The following CAPZB variants were observed in gnomAD, a reference collection of about 807,000 sequenced individuals.
The protein encoded by CAPZB is capping actin protein of muscle Z-line subunit beta.
A neutral mutation model predicts 38.1 loss-of-function variants in CAPZB; 2 were observed. The observed-to-expected ratio is 0.05, with a 90% CI of 0.02 to 0.17. The LOEUF is 0.17. CAPZB is among the 10% of genes least tolerant of loss of function. CAPZB has a pLI of 1.00. For synonymous variants in CAPZB, 107 were observed against 127.4 expected (o/e 0.84, Z 1.08); for missense variants, 161 against 334.2 (o/e 0.48, Z 4.04).
intron 2 of CAPZB, among the ~76,000 whole-genome samples, chr1:19,392,601 C>T (rs1025327857): frequency 4.0e-5 from 6 of 149,386 alleles, no homozygotes; most frequent in Non-Finnish European, 7.4e-5. Context: ...GCCTGGGCAA[C>T]AGGGCAAGAC....
chr1:19,365,279 T>C (rs907219418), intron 4 of CAPZB, among the ~76,000 whole-genome samples: 1 of 152,216 alleles, frequency 6.6e-6, no homozygotes, highest in African/African-American at 2.4e-5. Context: ...GCTTCAACAT[T>C]TCAACGTCTC....
intron 4 of CAPZB, among the ~76,000 whole-genome samples, chr1:19,367,231 AGATGCATCT>A (rs1163369228): frequency 7.2e-5 from 11 of 152,384 alleles, no homozygotes; most frequent in Admixed American, 3.3e-4. Flanking sequence ...CCTGCACTCA[AGATGCATCT>A]GGCAAACAAG....
intron 2 of CAPZB, among the ~76,000 whole-genome samples, chr1:19,389,780 A>C (rs1390579831): frequency 2.0e-5 from 3 of 152,098 alleles, no homozygotes; most frequent in Non-Finnish European, 4.4e-5. Context: ...TGCTCTCTTA[A>C]ATCTTACTGA....
chr1:19,433,649 T>C (rs2094449280), intron 1 of CAPZB, among the ~76,000 whole-genome samples: 1 of 152,144 alleles, frequency 6.6e-6, no homozygotes, highest in African/African-American at 2.4e-5. Context: ...GCTCCATCAA[T>C]CCAAATATTT....
intron 1 of CAPZB, among the ~76,000 whole-genome samples, chr1:19,476,601 G>A (rs758909746): frequency 1.3e-5 from 2 of 152,218 alleles, no homozygotes; most frequent in Non-Finnish European, 2.9e-5. Flanking sequence ...TGCCACTCAC[G>A]TCACAGGCAG....
intron 2 of CAPZB, among the ~76,000 whole-genome samples, chr1:19,413,907 T>C (rs1381628608): frequency 1.3e-5 from 2 of 152,170 alleles, no homozygotes; most frequent in Admixed American, 1.3e-4. Flanking sequence ...GGAAAAATGA[T>C]TTCCAGATTT....
chr1:19,433,695 T>C (rs2094449443), intron 1 of CAPZB, among the ~76,000 whole-genome samples: 1 of 152,218 alleles, frequency 6.6e-6, no homozygotes, highest in Non-Finnish European at 1.5e-5. Context: ...TTTTGACTTA[T>C]GTCCAAAAGG....
At chr1:19,465,894 C>A (rs1213584565) in intron 1 of CAPZB, among the ~76,000 whole-genome samples, 2 of 152,092 alleles carry the variant, frequency 1.3e-5, no homozygotes, top group Admixed American at 6.5e-5. Flanking sequence ...GTACGGAGCC[C>A]TATATGTGCT....
intron 2 of CAPZB, among the ~76,000 whole-genome samples, chr1:19,393,701 T>C (rs572278003): frequency 2.6e-5 from 4 of 152,302 alleles, no homozygotes; most frequent in East Asian, 3.9e-4. Flanking sequence ...CCAAAGCTTT[T>C]TCCCCCAAGT....
chr1:19,391,488 A>G (rs556733474), intron 2 of CAPZB, among the ~76,000 whole-genome samples: 2 of 152,326 alleles, frequency 1.3e-5, no homozygotes, highest in African/African-American at 4.8e-5. Context: ...GCCACGCCAG[A>G]ATGCTGCAGC....
rs147095059 is a variant in CAPZB at position 19,419,657 on chromosome 1, G to T, written c.93+4C>A. The T allele has an allele frequency of 4.5e-6, 7 of 1,565,612 alleles. No homozygotes were observed. The East Asian group carries it at 1.6e-4, about 36-fold the overall frequency. Reference sequence around the variant, plus strand: ...AAATGGAACCATATGAAGGAGGCACGTACCAGGTCGATCAGGTCGCTGAGG... The same window carrying T: ...AAATGGAACCATATGAAGGAGGCACTTACCAGGTCGATCAGGTCGCTGAGG... On this transcript the variant is annotated splice_donor_region_variant and intron_variant, in intron 2 of 8. Transcript: ENST00000264202.
intron 4 of CAPZB, among the ~76,000 whole-genome samples, chr1:19,368,829 C>T (rs942458896): frequency 6.6e-6 from 1 of 152,116 alleles, no homozygotes; most frequent in African/African-American, 2.4e-5. Flanking sequence ...CTGTGCCCCA[C>T]CGCACCTATT....
intron 3 of CAPZB, among the ~76,000 whole-genome samples, chr1:19,382,443 G>A (rs2094180739): frequency 1.3e-5 from 2 of 152,082 alleles, no homozygotes; most frequent in South Asian, 4.1e-4. Context: ...GTTTCAAACG[G>A]TGCTGCTGGC....
chr1:19,418,284 C>G (rs72965263), intron 2 of CAPZB, among the ~76,000 whole-genome samples: 1 of 151,628 alleles, frequency 6.6e-6, no homozygotes, highest in African/African-American at 2.4e-5. Flanking sequence ...CCAGGAGTAA[C>G]GAGGGCAGCT....
intron 1 of CAPZB, among the ~76,000 whole-genome samples, chr1:19,449,559 G>A (rs772731250): frequency 7.2e-5 from 11 of 152,046 alleles, no homozygotes; most frequent in East Asian, 1.9e-4. Flanking sequence ...AAGCTGAGAC[G>A]GGCAGATCAC....
At chr1:19,383,767 C>A (rs1420758526) in intron 3 of CAPZB, among the ~76,000 whole-genome samples, 1 of 152,080 alleles carries the variant, frequency 6.6e-6, no homozygotes, top group Non-Finnish European at 1.5e-5. Context: ...ATCTAATGGG[C>A]CTCTCAAGCT....
At position 19,401,896 on chromosome 1, in the gene CAPZB, T is replaced by C. The variant is rs1028681104; in HGVS notation, c.94-16270A>G. The stretch of plus-strand genomic sequence containing the variant: ...TTCCAGGTGGTGGGAGCAGTGGTTT[T>C]CCCCAAACAGCTAATACCCTTCAAT... On this transcript the variant is annotated intron_variant, in intron 2 of 8. Transcript: ENST00000264202. Among the ~76,000 whole-genome samples the C allele has an allele frequency of 6.6e-5, 10 of 152,180 alleles. 1 individual carries two copies. The highest frequency in any genetic ancestry group is 2.4e-4 in the African/African-American group (10 of 41,436).
At chr1:19,398,875 A>G (rs1462969855) in intron 2 of CAPZB, among the ~76,000 whole-genome samples, 1 of 110,260 alleles carries the variant, frequency 9.1e-6, no homozygotes, top group African/African-American at 3.4e-5. Flanking sequence ...TAGCTGCACA[A>G]CTCTTTTTTT....
chr1:19,412,184 G>A (rs1015721873), intron 2 of CAPZB, among the ~76,000 whole-genome samples: 65 of 152,150 alleles, frequency 4.3e-4, no homozygotes, highest in African/African-American at 1.5e-3. Flanking sequence ...CTCAGAATAC[G>A]CTCAGAAACA....
Sources: allele counts gnomAD v4.1 joint callset (sites outside exome capture counted in the v4.1 genomes callset), GRCh38; gene constraint gnomAD v4.1.1; transcripts MANE v1.5; gene names NCBI Gene and HGNC (gene_info 2026-07-23, HGNC 2026-07-21).